The following ANO3 variants were observed in gnomAD, a reference collection of about 807,000 sequenced individuals.
The protein encoded by ANO3 is anoctamin 3, also known as anoctamin-3.
ANO3 carries 99 observed loss-of-function variants against 144.8 expected under a neutral mutation model. The ratio of observed to expected loss-of-function variants is 0.68; its 90% confidence interval spans 0.58 to 0.81. ANO3 has a LOEUF of 0.81. Among genes scored for constraint, ANO3 ranks in the 30% least tolerant of loss-of-function variants. The probability of loss-of-function intolerance (pLI) is 0.00; values close to 1 mark genes in which losing one functional copy is unlikely to be tolerated. For synonymous variants in ANO3, 414 were observed against 392.6 expected (o/e 1.05, Z -0.64); for missense variants, 905 against 1,202.2 (o/e 0.75, Z 3.66).
intron 7 of ANO3, among the ~76,000 whole-genome samples, chr11:26,529,099 T>TATATATATTATATATATATATTATATGTA (rs1565081218): frequency 7.9e-5 from 1 of 12,596 alleles, no homozygotes; most frequent in Non-Finnish European, 2.0e-4. Flanking sequence ...ATTTCTATAT[T>TATATATATTATATATATATATTATATGTA]ATATATATTA....
intron 4 of ANO3, among the ~76,000 whole-genome samples, chr11:26,483,403 T>G (rs1860306555): frequency 6.6e-6 from 1 of 152,182 alleles, no homozygotes; most frequent in African/African-American, 2.4e-5. Flanking sequence ...TGGTAGGATG[T>G]GATTGGATCA....
chr11:26,366,415 G>C (rs1311121129), intron 1 of ANO3, among the ~76,000 whole-genome samples: 2 of 152,134 alleles, frequency 1.3e-5, no homozygotes, highest in Non-Finnish European at 2.9e-5. Context: ...TTGGTTCCAA[G>C]TCTTTGCTAT....
At chr11:26,578,993 A>G (rs1851062215) in intron 14 of ANO3, among the ~76,000 whole-genome samples, 3 of 152,214 alleles carry the variant, frequency 2.0e-5, no homozygotes, top group Non-Finnish European at 2.9e-5. Context: ...TAATTTTGTT[A>G]TATAGTCTAA....
chr11:26,197,541 C>T (rs892981568), intron 1 of ANO3, among the ~76,000 whole-genome samples: 10 of 152,002 alleles, frequency 6.6e-5, no homozygotes, highest in African/African-American at 2.4e-4. Flanking sequence ...TTAGTAGAGA[C>T]GGGGTTTCAC....
chr11:26,531,411 G>A, intron 8 of ANO3, 75 bp downstream of exon 8: 17 of 1,447,164 alleles, frequency 1.2e-5, no homozygotes, highest in South Asian at 8.9e-5. Context: ...AAAACACCTG[G>A]GACCATTTCC....
intron 11 of ANO3, among the ~76,000 whole-genome samples, chr11:26,544,251 C>CACACATATATATATATATATATAT (rs1183023481): frequency 1.0e-4 from 4 of 38,476 alleles, no homozygotes; most frequent in African/African-American, 2.0e-4. Context: ...TTTCATTATA[C>CACACATATATATATATATATATAT]ATATATATAT....
chr11:26,415,220 A>G (rs575207305), intron 1 of ANO3, among the ~76,000 whole-genome samples: 3 of 152,176 alleles, frequency 2.0e-5, no homozygotes, highest in African/African-American at 2.4e-5. Flanking sequence ...AAAATGCCAT[A>G]TATTAGACCT....
In ANO3 at chr11:26,662,358, T is replaced by C. The variant is rs752838216; in HGVS notation, c.*1914T>C. 6.6e-6 allele frequency: 1 copy of C among 151,614 alleles called. No individual in the cohort carries two copies. Among genetic ancestry groups the C allele is most frequent in the Non-Finnish European group, 1.5e-5 (1 of 67,970 alleles). 9.4% of individuals were successfully genotyped at this position (151,614 alleles called of 1,614,324 possible). A position where few individuals can be genotyped will look rare whatever the true frequency, so the allele number is the denominator to read the frequency against. On this transcript the variant is annotated 3_prime_UTR_variant, in exon 27 of 27. Transcript: ENST00000256737. ...TAGCAATCGTAGCAACTAATTCCAC[T>C]AAGTACAAGGGAGTTTTTTACACTC...
intron 24 of ANO3, 61 bp from the exon 25 acceptor site, chr11:26,656,064 A>C: frequency 7.6e-7 from 1 of 1,324,306 alleles, no homozygotes; most frequent in African/African-American, 1.5e-5. Flanking sequence ...ATTTGTAATA[A>C]AATAATTAGG....
intron 14 of ANO3, among the ~76,000 whole-genome samples, chr11:26,592,704 T>C (rs950789812): frequency 1.6e-4 from 24 of 151,350 alleles, no homozygotes; most frequent in Non-Finnish European, 3.5e-4. Context: ...ATCTGCTTGA[T>C]AGTTTTGAAA....
At chr11:26,339,191 G>A (rs1318130294) in intron 1 of ANO3, among the ~76,000 whole-genome samples, 2 of 149,718 alleles carry the variant, frequency 1.3e-5, no homozygotes, top group Non-Finnish European at 3.0e-5. Flanking sequence ...TCTGGCTCTT[G>A]TTGCCCAGGC....
At chr11:26,635,510 G>A (rs893349670) in intron 20 of ANO3, among the ~76,000 whole-genome samples, 12 of 152,042 alleles carry the variant, frequency 7.9e-5, no homozygotes, top group Admixed American at 4.6e-4. Context: ...ATGTTATATG[G>A]AAAAACTGCC....
At chr11:26,197,356 GT>G (rs2133908763) in intron 1 of ANO3, among the ~76,000 whole-genome samples, 1 of 152,082 alleles carries the variant, frequency 6.6e-6, no homozygotes, top group Admixed American at 6.5e-5. Flanking sequence ...TTTTGTTTTT[GT>G]TTTTGTTTTG....
intron 14 of ANO3, among the ~76,000 whole-genome samples, chr11:26,587,937 CAAAAAAAAA>C (rs60752903): frequency 1.7e-5 from 2 of 116,374 alleles, no homozygotes; most frequent in African/African-American, 6.7e-5. Flanking sequence ...AACTCTGTCT[CAAAAAAAAA>C]AAAAAAAAAA....
At chr11:26,578,877 G>T (rs773414294) in intron 14 of ANO3, among the ~76,000 whole-genome samples, 11 of 152,256 alleles carry the variant, frequency 7.2e-5, no homozygotes, top group Non-Finnish European at 1.3e-4. Flanking sequence ...AAATGAGACG[G>T]CTCTCTTCAA....
At chr11:26,241,320 G>A (rs954160415) in intron 1 of ANO3, among the ~76,000 whole-genome samples, 2 of 152,156 alleles carry the variant, frequency 1.3e-5, no homozygotes, top group Non-Finnish European at 2.9e-5. Flanking sequence ...GGACATTTCT[G>A]ACATATGAGA....
intron 1 of ANO3, among the ~76,000 whole-genome samples, chr11:26,376,773 A>T (rs1158771194): frequency 6.6e-6 from 1 of 152,190 alleles, no homozygotes; most frequent in Non-Finnish European, 1.5e-5. Context: ...TGAATTTTGT[A>T]CTTTATTTAA....
At chr11:26,390,789 A>G (rs12279800) in intron 1 of ANO3, among the ~76,000 whole-genome samples, 40,396 of 152,012 alleles carry the variant, frequency 0.27, 6,032 homozygotes, top group African/African-American at 0.41. Context: ...ACTTGTGGGA[A>G]GTACAATAAA....
At chr11:26,440,037 C>T (rs1035407175) in intron 1 of ANO3, among the ~76,000 whole-genome samples, 6 of 152,092 alleles carry the variant, frequency 3.9e-5, no homozygotes, top group Non-Finnish European at 8.8e-5. Context: ...GTCCCTTTGC[C>T]TCATGTGGTG....
Sources: allele counts gnomAD v4.1 joint callset (sites outside exome capture counted in the v4.1 genomes callset), GRCh38; gene constraint gnomAD v4.1.1; transcripts MANE v1.5; gene names NCBI Gene and HGNC (gene_info 2026-07-23, HGNC 2026-07-21).